The following SNX29 variants were observed in gnomAD, a reference collection of about 807,000 sequenced individuals.
SNX29 encodes sorting nexin-29.
In SNX29, 78 loss-of-function variants were observed where a neutral mutation model predicts 102.1. The observed-to-expected ratio is 0.76, with a 90% CI of 0.64 to 0.92. SNX29 has a LOEUF of 0.92. Ranked by LOEUF, SNX29 falls within the 40% of genes least tolerant of loss-of-function variation. The pLI is 0.00. For synonymous variants in SNX29, 580 were observed against 414.5 expected (o/e 1.40, Z -4.85); for missense variants, 1,280 against 1,061.7 (o/e 1.21, Z -2.86).
At position 12,563,240 on chromosome 16, in the gene SNX29, C is replaced by G. The variant is rs114741262; in HGVS notation, c.2319-5266C>G. Among the ~76,000 whole-genome samples the G allele has an allele frequency of 3.9e-3, 596 of 152,160 alleles. 2 individuals are homozygous for G. The highest frequency in any genetic ancestry group is 0.013 in the African/African-American group (522 of 41,470). On this transcript the variant is annotated intron_variant, in intron 20 of 20. Transcript: ENST00000566228. The stretch of plus-strand genomic sequence containing the variant: ...CATACCCTGAAAGTGGCCTCCCCAT[C>G]ATCACTGACCCCGCCCAGGTAGCAG...
intron 13 of SNX29, chr16:12,135,559 G>T: frequency 7.5e-7 from 1 of 1,329,102 alleles, no homozygotes; most frequent in Non-Finnish European, 9.9e-7. Flanking sequence ...AGCTATCTTT[G>T]CTATTTTGTG....
chr16:12,310,095 C>T (rs2151131381), intron 15 of SNX29, among the ~76,000 whole-genome samples: 1 of 142,620 alleles, frequency 7.0e-6, no homozygotes, highest in South Asian at 2.2e-4. Context: ...CACACATGCA[C>T]ACACATGCAC....
chr16:12,259,100 T>G (rs1439894985), intron 14 of SNX29, among the ~76,000 whole-genome samples: 6 of 152,278 alleles, frequency 3.9e-5, no homozygotes, highest in African/African-American at 1.2e-4. Flanking sequence ...CTTCCTTGCT[T>G]TGGCTTCCTA....
intron 18 of SNX29, among the ~76,000 whole-genome samples, chr16:12,455,555 C>T (rs148667763): frequency 5.9e-5 from 9 of 152,326 alleles, no homozygotes; most frequent in East Asian, 3.9e-4. Context: ...TTGTGGATCC[C>T]GGGACCTACC....
At chr16:11,985,490 C>G (rs1427002157) in intron 1 of SNX29, among the ~76,000 whole-genome samples, 1 of 152,200 alleles carries the variant, frequency 6.6e-6, no homozygotes, top group African/African-American at 2.4e-5. Flanking sequence ...TGTTAAAGGA[C>G]TATCAGGATT....
At chr16:12,212,990 T>C (rs2077227577) in intron 14 of SNX29, among the ~76,000 whole-genome samples, 1 of 152,190 alleles carries the variant, frequency 6.6e-6, no homozygotes, top group Non-Finnish European at 1.5e-5. Flanking sequence ...GGCATGCACC[T>C]GTAATCCCAG....
At chr16:12,331,195 T>C (rs1000281563) in intron 15 of SNX29, among the ~76,000 whole-genome samples, 1 of 152,142 alleles carries the variant, frequency 6.6e-6, no homozygotes, top group African/African-American at 2.4e-5. Flanking sequence ...AGCCCAACTT[T>C]CCAGGCTGCT....
chr16:12,563,101 C>A (rs532302108), intron 20 of SNX29, among the ~76,000 whole-genome samples: 1 of 142,040 alleles, frequency 7.0e-6, no homozygotes, highest in Non-Finnish European at 1.6e-5. Context: ...AGAAGACGCA[C>A]GCTAACAACA....
At chr16:12,128,111 G>A (rs2054297299) in intron 12 of SNX29, among the ~76,000 whole-genome samples, 2 of 152,210 alleles carry the variant, frequency 1.3e-5, no homozygotes, top group African/African-American at 4.8e-5. Flanking sequence ...TAAAACAAAA[G>A]AGGATGTCTT....
At chr16:12,014,358 A>C (rs1189726779) in intron 3 of SNX29, among the ~76,000 whole-genome samples, 1 of 152,102 alleles carries the variant, frequency 6.6e-6, no homozygotes, top group African/African-American at 2.4e-5. Flanking sequence ...AAGAGTATCC[A>C]GGCAGCATTT....
chr16:12,342,268 A>G (rs184941467), intron 15 of SNX29, among the ~76,000 whole-genome samples: 4 of 152,340 alleles, frequency 2.6e-5, no homozygotes, highest in Middle Eastern at 3.4e-3. Flanking sequence ...TGTCTGCTGC[A>G]TGCCTCCTGA....
chr16:12,439,766 T>C (rs1193612600), intron 18 of SNX29, among the ~76,000 whole-genome samples: 1 of 152,240 alleles, frequency 6.6e-6, no homozygotes. Context: ...CTTGGTACAC[T>C]TACTTTGCCT....
intron 10 of SNX29, among the ~76,000 whole-genome samples, chr16:12,073,014 AT>A (rs1438733525): frequency 6.6e-6 from 1 of 151,978 alleles, no homozygotes; most frequent in Non-Finnish European, 1.5e-5. Flanking sequence ...CGGTGGTGAT[AT>A]CCCCTTTATC....
At chr16:12,296,120 AAG>A (rs1407229365) in intron 15 of SNX29, among the ~76,000 whole-genome samples, 3 of 152,216 alleles carry the variant, frequency 2.0e-5, no homozygotes, top group African/African-American at 7.2e-5. Context: ...AAAGCTTTTA[AAG>A]TTAATGGAAA....
chr16:12,403,476 A>G lies in SNX29; in HGVS notation c.1984A>G (p.Ile662Val), dbSNP rs1476089245. ...AAACCGGGCGCTGATCAACGTCTGG[A>G]TCCCCTCAGTGTTTCTCCGGGGCAA... ...ISNRALINVW[I>V]PSVFLRGKAA... The change falls in exon 18 of 21, where the codon ATC (isoleucine) becomes GTC (valine). Residue 662 changes from isoleucine (I) to valine (V), a missense_variant. Coordinates refer to ENST00000566228, the MANE Select transcript of SNX29 (RefSeq NM_032167.5). The G allele has an allele frequency of 1.2e-6, 2 of 1,609,026 alleles. No individual in the cohort carries two copies. The highest frequency in any genetic ancestry group is 1.1e-5 in the South Asian group (1 of 89,550).
chr16:12,548,204 A>G (rs1025695408), intron 20 of SNX29, among the ~76,000 whole-genome samples: 2 of 152,114 alleles, frequency 1.3e-5, no homozygotes, highest in Non-Finnish European at 2.9e-5. Context: ...CGCCTCCCAC[A>G]AGGCCACGCT....
At chr16:12,284,103 T>G (rs2079518961) in intron 15 of SNX29, among the ~76,000 whole-genome samples, 1 of 152,252 alleles carries the variant, frequency 6.6e-6, no homozygotes, top group South Asian at 2.1e-4. Flanking sequence ...TCAGAGATGT[T>G]CTATTCTTTT....
chr16:12,002,541 T>G (rs1458620160), intron 2 of SNX29, among the ~76,000 whole-genome samples: 1 of 152,022 alleles, frequency 6.6e-6, no homozygotes, highest in Non-Finnish European at 1.5e-5. Context: ...TGAGGCTTGA[T>G]TTGTGCTGTT....
rs1165162382 is a variant in SNX29, at chr16:12,058,624, G to A, written c.1125-2904G>A. Among the ~76,000 whole-genome samples the A allele has an allele frequency of 2.0e-5, 3 of 150,998 alleles. No individual in the cohort carries two copies. The East Asian group carries it at 5.8e-4, about 29-fold the overall frequency. Reference sequence around the variant, plus strand: ...TTCTCCTGCCTCACCCTTCCAAGTAGCTGGGATTACAAGCACCCACCACCA... The same window carrying A: ...TTCTCCTGCCTCACCCTTCCAAGTAACTGGGATTACAAGCACCCACCACCA... On this transcript the variant is annotated intron_variant, in intron 8 of 20. Transcript: ENST00000566228.
Sources: allele counts gnomAD v4.1 joint callset (sites outside exome capture counted in the v4.1 genomes callset), GRCh38; gene constraint gnomAD v4.1.1; transcripts MANE v1.5; gene names NCBI Gene and HGNC (gene_info 2026-07-23, HGNC 2026-07-21).